The following UNC5D variants were observed in gnomAD, a reference collection of about 807,000 sequenced individuals.
The protein encoded by UNC5D is netrin receptor UNC5D.
Under a neutral mutation model 105.4 loss-of-function variants are expected in UNC5D, and 39 were observed. The observed-to-expected ratio is 0.37, with a 90% confidence interval of 0.29 to 0.48. The LOEUF is 0.48. Among genes scored for constraint, UNC5D ranks in the 20% least tolerant of loss-of-function variants. The pLI, the probability that UNC5D is intolerant of heterozygous loss-of-function variation, is 0.98. For synonymous variants in UNC5D, 452 were observed against 450.4 expected (o/e 1.00, Z -0.04); for missense variants, 991 against 1,202.4 (o/e 0.82, Z 2.60).
chr8:35,749,387 A>G (rs1001612779), intron 12 of UNC5D, among the ~76,000 whole-genome samples: 2 of 152,242 alleles, frequency 1.3e-5, no homozygotes, highest in African/African-American at 4.8e-5. Context: ...CTTTATGTCC[A>G]TCTGCAGTCA....
At chr8:35,696,282 AT>A (rs755876112) in intron 7 of UNC5D, among the ~76,000 whole-genome samples, 5,518 of 113,200 alleles carry the variant, frequency 0.049, 72 homozygotes, top group Non-Finnish European at 0.054. Context: ...TCAATATTTA[AT>A]TTTTTTTTTT....
At chr8:35,715,251 AAATAT>A (rs1407635650) in intron 8 of UNC5D, among the ~76,000 whole-genome samples, 18 of 152,222 alleles carry the variant, frequency 1.2e-4, no homozygotes, top group Admixed American at 2.6e-4. Context: ...ATAGGAAAGG[AAATAT>A]AATATAGAGC....
At chr8:35,624,112 T>C (rs755518126) in intron 4 of UNC5D, among the ~76,000 whole-genome samples, 5 of 152,162 alleles carry the variant, frequency 3.3e-5, no homozygotes, top group Non-Finnish European at 7.3e-5. Context: ...GTCTTATTTT[T>C]CCTGTTTCTC....
intron 4 of UNC5D, among the ~76,000 whole-genome samples, chr8:35,683,033 C>T (rs1825772261): frequency 6.6e-6 from 1 of 152,164 alleles, no homozygotes; most frequent in Non-Finnish European, 1.5e-5. Context: ...CTTATGATTG[C>T]ACAAATCTGT....
At chr8:35,322,953 TGATA>T (rs1157613224) in intron 1 of UNC5D, among the ~76,000 whole-genome samples, 6 of 152,148 alleles carry the variant, frequency 3.9e-5, no homozygotes, top group Non-Finnish European at 8.8e-5. Flanking sequence ...CTATATTTCT[TGATA>T]ATATATCTTA....
chr8:35,543,017 T>C (rs1314973763), intron 1 of UNC5D, among the ~76,000 whole-genome samples: 2 of 152,190 alleles, frequency 1.3e-5, no homozygotes, highest in Non-Finnish European at 2.9e-5. Context: ...CAGATTTTAG[T>C]CATCCATTTT....
At chr8:35,484,269 A>G (rs1365582506) in intron 1 of UNC5D, among the ~76,000 whole-genome samples, 1 of 152,178 alleles carries the variant, frequency 6.6e-6, no homozygotes, top group African/African-American at 2.4e-5. Flanking sequence ...CAGAACCTTT[A>G]CTAAGCAGCC....
At chr8:35,266,464 G>A (rs907203352) in intron 1 of UNC5D, among the ~76,000 whole-genome samples, 2 of 152,214 alleles carry the variant, frequency 1.3e-5, no homozygotes, top group Non-Finnish European at 2.9e-5. Context: ...AGGTTAAAGT[G>A]CAGATGTTCC....
At chr8:35,517,606 C>T (rs1813184338) in intron 1 of UNC5D, among the ~76,000 whole-genome samples, 1 of 151,862 alleles carries the variant, frequency 6.6e-6, no homozygotes, top group South Asian at 2.1e-4. Context: ...AGGTGAGTGC[C>T]CAATTTTCAG....
intron 1 of UNC5D, among the ~76,000 whole-genome samples, chr8:35,485,634 G>T (rs986361711): frequency 2.0e-5 from 3 of 152,112 alleles, no homozygotes; most frequent in African/African-American, 7.2e-5. Flanking sequence ...TACCCCAGTA[G>T]CACAAGCAGT....
intron 4 of UNC5D, among the ~76,000 whole-genome samples, chr8:35,646,754 TG>T (rs1823079675): frequency 6.6e-6 from 1 of 152,186 alleles, no homozygotes; most frequent in African/African-American, 2.4e-5. Context: ...GTCTTTATTT[TG>T]TGCCTTTTAA....
chr8:35,710,502 G>A (rs1221866668), intron 8 of UNC5D, among the ~76,000 whole-genome samples: 2 of 152,092 alleles, frequency 1.3e-5, no homozygotes, highest in East Asian at 1.9e-4. Context: ...GACAGCCGAC[G>A]TTGGCCAGAC....
intron 4 of UNC5D, among the ~76,000 whole-genome samples, chr8:35,670,124 GTAT>G (rs1217393793): frequency 6.6e-6 from 1 of 152,014 alleles, no homozygotes; most frequent in Non-Finnish European, 1.5e-5. Context: ...AGAATATATG[GTAT>G]TATAAAAACA....
chr8:35,659,668 T>A (rs1823994356), intron 4 of UNC5D, among the ~76,000 whole-genome samples: 1 of 152,224 alleles, frequency 6.6e-6, no homozygotes, highest in Non-Finnish European at 1.5e-5. Flanking sequence ...TCATGCAGCA[T>A]CTTGAAGGTG....
intron 1 of UNC5D, among the ~76,000 whole-genome samples, chr8:35,311,900 C>T (rs1808914878): frequency 6.6e-6 from 1 of 152,064 alleles, no homozygotes; most frequent in Non-Finnish European, 1.5e-5. Flanking sequence ...CTTGTATCAA[C>T]GTTCCTCTGG....
In UNC5D at chr8:35,574,003, C is replaced by T. The variant is rs982546127; in HGVS notation, c.466+5762C>T. Among the ~76,000 whole-genome samples the T allele has an allele frequency of 1.6e-4, 24 of 152,322 alleles. 1 individual carries two copies. The highest frequency in any genetic ancestry group is 3.9e-4 in the Admixed American group (6 of 15,302). On this transcript the variant is annotated intron_variant, in intron 3 of 16. Transcript: ENST00000404895. ...GGAACAACTCCCACGGGCCTCCTCTCGTTTGTCTGGTTCAATAGAGCCAGA... is the reference window on the plus strand; with the variant it reads ...GGAACAACTCCCACGGGCCTCCTCTTGTTTGTCTGGTTCAATAGAGCCAGA...
chr8:35,721,528 TAG>T, intron 8 of UNC5D: 1 of 702,852 alleles, frequency 1.4e-6, no homozygotes, highest in Non-Finnish European at 2.6e-6. Context: ...AATAAATTAT[TAG>T]AGTCTAGCAT....
At chr8:35,725,576 T>C (rs377459259) in intron 9 of UNC5D, among the ~76,000 whole-genome samples, 4 of 152,198 alleles carry the variant, frequency 2.6e-5, no homozygotes, top group Middle Eastern at 3.4e-3. Context: ...TGTGGTGAGA[T>C]TCATGAGGTG....
At chr8:35,593,642 G>A (rs529784715) in intron 3 of UNC5D, among the ~76,000 whole-genome samples, 3 of 152,192 alleles carry the variant, frequency 2.0e-5, no homozygotes, top group Non-Finnish European at 4.4e-5. Flanking sequence ...CACACCTGTA[G>A]CCCTAGCTAC....
Sources: gnomAD v4.1 joint callset for allele counts (sites outside exome capture counted in the v4.1 genomes callset) on GRCh38, gnomAD v4.1.1 for gene constraint, MANE v1.5 for transcripts, NCBI Gene and HGNC (gene_info 2026-07-23, HGNC 2026-07-21) for gene names.